The following MAF variants were observed in gnomAD, a reference collection of about 807,000 sequenced individuals.
MAF encodes the protein MAF bZIP transcription factor.
Under a neutral mutation model 22.0 loss-of-function variants are expected in MAF, and 10 were observed. That is an observed-to-expected ratio of 0.45 (90% CI 0.28 to 0.77). The LOEUF (loss-of-function observed/expected upper bound fraction) is 0.77, where lower values mean the gene tolerates loss of function less well. Ranked by LOEUF, MAF falls within the 30% of genes least tolerant of loss-of-function variation. The pLI, the probability that MAF is intolerant of heterozygous loss-of-function variation, is 0.12. For missense variants in MAF, 544 were observed against 548.4 expected, an observed-to-expected ratio of 0.99 and a Z score of 0.08; for synonymous variants, 337 against 255.8, an observed-to-expected ratio of 1.32 and a Z score of -3.03.
At chr16:79,598,599 T>TGTGTGTGG in intron 1 of MAF, 186 bp downstream of exon 1, 1 of 1,482,430 alleles carries the variant, frequency 6.7e-7, no homozygotes, top group Non-Finnish European at 8.9e-7. Context: ...TGTGTGTGTG[T>TGTGTGTGG]GTGTGTGTGT....
chr16:79,349,888 A>C, the MAF span, among the ~76,000 whole-genome samples: 2 of 152,174 alleles, frequency 1.3e-5, no homozygotes, highest in South Asian at 4.1e-4. Context: ...TTCCAAGCAC[A>C]CACGCTCTAT....
chr16:79,427,214 G>C, the MAF span, among the ~76,000 whole-genome samples: 1 of 152,198 alleles, frequency 6.6e-6, no homozygotes, highest in South Asian at 2.1e-4. Flanking sequence ...TAGGCAAATG[G>C]AAGAGCTGCC....
the MAF span, among the ~76,000 whole-genome samples, chr16:79,271,680 C>T: frequency 0.48 from 72,601 of 152,074 alleles, 17,980 homozygotes; most frequent in Middle Eastern, 0.63. Flanking sequence ...TCCATCTCTA[C>T]TGCTAAGGAA....
chr16:79,328,752 G>A, the MAF span, among the ~76,000 whole-genome samples: 1 of 152,196 alleles, frequency 6.6e-6, no homozygotes, highest in Admixed American at 6.5e-5. Context: ...TCTCCAACCA[G>A]CTTGTAATTA....
At chr16:79,424,370 T>C in the MAF span, among the ~76,000 whole-genome samples, 1 of 152,198 alleles carries the variant, frequency 6.6e-6, no homozygotes, top group Non-Finnish European at 1.5e-5. Flanking sequence ...CTTGGTAAGC[T>C]AAGTTTGGGT....
the MAF span, among the ~76,000 whole-genome samples, chr16:79,218,510 G>A: frequency 1.3e-5 from 2 of 152,270 alleles, no homozygotes; most frequent in East Asian, 1.9e-4. Flanking sequence ...TTGCCACAGA[G>A]AGCCACAATG....
the MAF span, among the ~76,000 whole-genome samples, chr16:79,490,280 G>C: frequency 2.0e-5 from 3 of 152,248 alleles, no homozygotes; most frequent in East Asian, 3.9e-4. Context: ...CGTCTTGATA[G>C]AATAGCCAGC....
the MAF span, among the ~76,000 whole-genome samples, chr16:79,568,608 A>T: frequency 2.0e-5 from 3 of 152,186 alleles, no homozygotes; most frequent in African/African-American, 2.4e-5. Context: ...TGTTGGAGAT[A>T]TCATCCGGTT....
the MAF span, among the ~76,000 whole-genome samples, chr16:79,536,560 T>C: frequency 1.3e-5 from 2 of 152,266 alleles, no homozygotes; most frequent in African/African-American, 4.8e-5. Context: ...GAGAATCGCT[T>C]GAACTTGGGA....
At chr16:79,535,886 T>A in the MAF span, among the ~76,000 whole-genome samples, 5 of 152,168 alleles carry the variant, frequency 3.3e-5, no homozygotes, top group Non-Finnish European at 7.4e-5. Context: ...GCTACTTTAG[T>A]TCAGCTTTAG....
the MAF span, among the ~76,000 whole-genome samples, chr16:79,241,225 G>A: frequency 6.6e-6 from 1 of 151,982 alleles, no homozygotes; most frequent in Admixed American, 6.6e-5. Context: ...TTCCCAAGGT[G>A]GGTAATAACA....
At chr16:79,328,439 T>C in the MAF span, among the ~76,000 whole-genome samples, 1 of 152,260 alleles carries the variant, frequency 6.6e-6, no homozygotes, top group Admixed American at 6.5e-5. Context: ...TCCCCACAGG[T>C]TCCTGGGAAA....
At chr16:79,212,241 T>C in the MAF span, 2 of 1,350,366 alleles carry the variant, frequency 1.5e-6, no homozygotes, top group East Asian at 2.5e-5. Flanking sequence ...CCTTGCTGCA[T>C]TGATCCAGGA....
the MAF span, among the ~76,000 whole-genome samples, chr16:79,238,712 G>C: frequency 6.6e-6 from 1 of 151,812 alleles, no homozygotes; most frequent in Non-Finnish European, 1.5e-5. Flanking sequence ...CATACAGTAT[G>C]GGATATACTT....
downstream of MAF, among the ~76,000 whole-genome samples, chr16:79,584,332 G>A (rs1414987812): frequency 2.0e-5 from 3 of 152,156 alleles, no homozygotes; most frequent in African/African-American, 7.2e-5. Context: ...AGAGTACCAA[G>A]TATTGAACTT....
At chr16:79,302,186 C>G in the MAF span, among the ~76,000 whole-genome samples, 2 of 152,354 alleles carry the variant, frequency 1.3e-5, no homozygotes, top group South Asian at 4.1e-4. Flanking sequence ...GGAAAGACCA[C>G]TGCTTGGAAT....
the MAF span, among the ~76,000 whole-genome samples, chr16:79,367,311 A>C: frequency 1.3e-5 from 2 of 152,190 alleles, no homozygotes; most frequent in African/African-American, 4.8e-5. Context: ...ACCTTGTCTT[A>C]TGACAGCTGC....
the MAF span, among the ~76,000 whole-genome samples, chr16:79,371,555 G>A: frequency 3.9e-5 from 6 of 152,100 alleles, no homozygotes; most frequent in Non-Finnish European, 8.8e-5. Flanking sequence ...TAGGCACACT[G>A]GACTCCTTCC....
chr16:79,484,227 T>C, the MAF span, among the ~76,000 whole-genome samples: 3 of 152,184 alleles, frequency 2.0e-5, no homozygotes, highest in Non-Finnish European at 2.9e-5. Flanking sequence ...CCAGGTCCCC[T>C]GAGAATCCAC....
Sources: allele counts gnomAD v4.1 joint callset (sites outside exome capture counted in the v4.1 genomes callset), GRCh38; gene constraint gnomAD v4.1.1; transcripts MANE v1.5; gene names NCBI Gene and HGNC (gene_info 2026-07-23, HGNC 2026-07-21).